CDAN1: variants seen among roughly 807,000 people sequenced by gnomAD.
CDAN1 encodes codanin-1.
Under a neutral mutation model 139.8 loss-of-function variants are expected in CDAN1, and 107 were observed. That is an observed-to-expected ratio of 0.77 (90% CI 0.65 to 0.90). CDAN1 has a LOEUF of 0.90. CDAN1 is among the 40% of genes least tolerant of loss of function. The pLI is 0.00. For synonymous variants in CDAN1, 776 were observed against 660.6 expected (o/e 1.17, Z -2.68); for missense variants, 1,667 against 1,575.7 (o/e 1.06, Z -0.98).
At chr15:42,732,235 C>T in intron 10 of CDAN1, 98 bp downstream of exon 10, 1 of 1,150,500 alleles carries the variant, frequency 8.7e-7, no homozygotes, top group Non-Finnish European at 1.3e-6. Flanking sequence ...AGCCCAGGAC[C>T]TGCCAGGCTG....
chr15:42,733,023 C>T lies in CDAN1; in HGVS notation c.1457+74G>A, dbSNP rs376621999. ...AGGAGCGGGGAAAACCTTCCCTCCT[C>T]CTCCCTCCTGCCACCGAGCAAGCAC... is the stretch of plus-strand genomic sequence containing the variant. On this transcript the variant is annotated intron_variant, in intron 9 of 27. Transcript: ENST00000356231. The T allele has an allele frequency of 3.8e-6, 5 of 1,299,968 alleles. No individual in the cohort carries two copies. The East Asian group carries it at 6.9e-5, about 18-fold the overall frequency. The allele number at this position is 1,299,968 out of a possible 1,614,324, so 80.5% of individuals were successfully genotyped here.
At position 42,731,242 on chromosome 15, in the gene CDAN1, T is replaced by C; in HGVS notation, c.1829A>G (p.Asp610Gly). The change falls in exon 12 of 28, where the codon GAT becomes GGT. Residue 610 changes from aspartate to glycine, a missense_variant. Asp to Gly is a moderately conservative substitution (Grantham distance 94). Around this residue, in one of 3 missense-constraint regions of CDAN1, gnomAD observed 936 missense variants for 844.1 expected, o/e 1.11. Transcript: ENST00000356231. Reference protein sequence around the residue: ...GLALPQHEPNDEDGESDVDWQ... With the variant: ...GLALPQHEPNGEDGESDVDWQ... ...GTCTACGTCTGACTCCCCGTCTTCA[T>C]CATTGGGCTCATGCTGGGGCAGGGC... 1 of 1,614,226 alleles carries C rather than the reference T, an allele frequency of 6.2e-7. No homozygotes were observed. Among genetic ancestry groups the C allele is most frequent in the East Asian group, 2.2e-5 (1 of 44,878 alleles).
Position 42,727,721 on chromosome 15 carries a change from G to C in CDAN1, c.2996C>G (p.Ala999Gly). ...CCGGGCAGCAGGTTCAGGACCCTGG[G>C]CTCGAAGTGTGCGACTCACTGCTGC... ...VKAAVSRTLR[A>G]QGPEPAARGE... is the part of the protein sequence containing the mutation. Residue 999 changes from alanine (A) to glycine (G), a missense_variant, in exon 23 of 28, where the codon GCC (alanine) becomes GGC (glycine). By Grantham distance (60) the Ala-to-Gly change is moderately conservative. Transcript: ENST00000356231. 6.3e-7 allele frequency: 1 copy of C among 1,585,942 alleles called. No homozygotes were observed.
At chr15:42,730,266 T>C in intron 14 of CDAN1, 51 bp from the exon 15 acceptor site, 2 of 1,519,442 alleles carry the variant, frequency 1.3e-6, no homozygotes, top group Non-Finnish European at 1.8e-6. Context: ...GGGAAGGGAA[T>C]GGAGGCAAAC....
chr15:42,728,907 T>G, intron 19 of CDAN1, 97 bp from the exon 20 acceptor site: 5 of 1,593,072 alleles, frequency 3.1e-6, no homozygotes, highest in East Asian at 2.2e-5. Context: ...CTTCAAAATG[T>G]GTCAGCCATT....
In CDAN1 at chr15:42,725,650, G is replaced by A. The variant is rs765129445; in HGVS notation, c.3289C>T (p.Leu1097=). Residue 1097 remains leucine, a synonymous_variant, in exon 26 of 28, where the codon CTA becomes TTA. Transcript: ENST00000356231. ...SLLVADQIPI[L]GPPAQYRLER... Reference sequence around the variant, plus strand: ...AGCCTGTACTGTGCCGGGGGCCCTAGGATAGGAATTTGATCTGCAACTGTG... The same window carrying A: ...AGCCTGTACTGTGCCGGGGGCCCTAAGATAGGAATTTGATCTGCAACTGTG... 4.3e-6 allele frequency: 7 copies of A among 1,614,024 alleles called. No individual in the cohort carries two copies. Among genetic ancestry groups the A allele is most frequent in the Non-Finnish European group, 5.9e-6 (7 of 1,179,994 alleles).
chr15:42,727,610 T>G lies in CDAN1; in HGVS notation c.3096+11A>C. 3 of 1,550,176 alleles carry G rather than the reference T, an allele frequency of 1.9e-6. No individual in the cohort carries two copies. Among genetic ancestry groups the G allele is most frequent in the Non-Finnish European group, 2.6e-6 (3 of 1,143,646 alleles). ...AGCAGGGAAGCCAAAGGGAGTAGGG[T>G]AGCCGTGTACTTTTATCTCGGAGAT... On this transcript the variant is annotated intron_variant, in intron 23 of 27. Coordinates refer to ENST00000356231, the MANE Select transcript of CDAN1 (RefSeq NM_138477.4).
intron 25 of CDAN1, 137 bp downstream of exon 25, chr15:42,725,960 A>C: frequency 2.3e-6 from 2 of 861,804 alleles, no homozygotes; most frequent in Non-Finnish European, 3.7e-6. Context: ...TGGGCAACAG[A>C]ACAAGATTCC....
Position 42,725,501 on chromosome 15 carries a change from T to C in CDAN1, c.3438A>G (p.Thr1146=), listed in dbSNP as rs2061513340. The C allele has an allele frequency of 6.2e-7, 1 of 1,614,020 alleles. No homozygotes were observed. Among genetic ancestry groups the C allele is most frequent in the Non-Finnish European group, 8.5e-7 (1 of 1,180,028 alleles). ...CCGTCTGACTCACCTCCCTTGGCCT[T>C]GTGTCTGCCAGAAGCCCCACATTTC... The part of the protein sequence containing the change: ...SPRNVGLLAD[T]RPREWDLLLF... The change falls in exon 26 of 28, where the codon ACA becomes ACG. Residue 1146 remains threonine (T), a synonymous_variant. Coordinates refer to ENST00000356231, the MANE Select transcript of CDAN1 (RefSeq NM_138477.4).
chr15:42,736,151 A>G (rs2061684010), intron 2 of CDAN1, 73 bp from the exon 3 acceptor site: 2 of 1,571,020 alleles, frequency 1.3e-6, no homozygotes, highest in Non-Finnish European at 1.7e-6. Flanking sequence ...CGCAACAGCT[A>G]GACCTCTTGC....
chr15:42,725,365 G>A, intron 26 of CDAN1, 114 bp from the exon 27 acceptor site: 1 of 1,469,178 alleles, frequency 6.8e-7, no homozygotes, highest in South Asian at 1.1e-5. Flanking sequence ...ATGGATAAAT[G>A]GAGCCCATTT....
intron 10 of CDAN1, 130 bp downstream of exon 10, chr15:42,732,203 G>T: frequency 1.1e-6 from 1 of 905,984 alleles, no homozygotes; most frequent in Admixed American, 1.9e-5. Flanking sequence ...TCCGCGAGGA[G>T]TAGAACTCTT....
At chr15:42,725,707 G>A (rs1252769438) in intron 25 of CDAN1, 37 bp from the exon 26 acceptor site, 3 of 1,609,296 alleles carry the variant, frequency 1.9e-6, no homozygotes, top group Admixed American at 1.7e-5. Context: ...AAAAGATGGG[G>A]GCAGGCCGGG....
chr15:42,731,158 C>T, intron 12 of CDAN1, 53 bp downstream of exon 12: 3 of 1,614,204 alleles, frequency 1.9e-6, no homozygotes, highest in Middle Eastern at 1.6e-4. Context: ...CTTGAACATA[C>T]TCCCTTCCCT....
rs2061566985 is a variant in CDAN1 at position 42,728,777 on chromosome 15, T to C, written c.2679A>G (p.Ala893=). 2 of 1,614,200 alleles carry C rather than the reference T, an allele frequency of 1.2e-6. No individual in the cohort carries two copies. The highest frequency in any genetic ancestry group is 1.7e-6 in the Non-Finnish European group (2 of 1,180,030). ...ATLVADLVRQ[A]ESLLQEQLVT... ...CCAGCTGCTCTTGGAGAAGTGACTC[T>C]GCCTGGCGCACCAGATCTGCCACCA... is the stretch of plus-strand genomic sequence containing the variant. The change falls in exon 20 of 28, where the codon GCA becomes GCG. Residue 893 remains alanine, a synonymous_variant. Coordinates refer to ENST00000356231, the MANE Select transcript of CDAN1 (RefSeq NM_138477.4).
rs2061625774 is a variant in CDAN1, at chr15:42,732,406, G to T, written c.1460C>A (p.Ala487Asp). ...FEKGLGSRIR[A>D]MMGQLSAACS... ...GGCTGCGGAGAGCTGACCCATCATG[G>T]CCCTGAGGAATAGAAGGCAGGAATG... The change falls in exon 10 of 28, where the codon GCC (alanine) becomes GAC (aspartate). Residue 487 changes from alanine (A) to aspartate (D), a missense_variant and splice_region_variant. By Grantham distance (126) the Ala-to-Asp change is moderately radical. This residue lies in a region of CDAN1 where 244 missense variants were observed against 309.4 expected (regional missense o/e 0.79). Transcript: ENST00000356231. 6.2e-7 allele frequency: 1 copy of T among 1,613,826 alleles called. No homozygotes were observed. The highest frequency in any genetic ancestry group is 8.5e-7 in the Non-Finnish European group (1 of 1,179,756).
In CDAN1 at chr15:42,726,354, C is replaced by T. The variant is rs1159649582; in HGVS notation, c.3160G>A (p.Glu1054Lys). Residue 1054 changes from glutamate to lysine, a missense_variant, in exon 24 of 28, where the codon GAA (glutamate) becomes AAA (lysine). By Grantham distance (56) the Glu-to-Lys change is moderately conservative. Around this residue, in one of 3 missense-constraint regions of CDAN1, gnomAD observed 936 missense variants for 844.1 expected, o/e 1.11. Transcript: ENST00000356231. ...PDEGVSPEHL[E>K]QLLGQLGQTL... ...TGGCCCAGCTGGCCTAGGAGCTGTT[C>T]CAGATGCTCTGGGGAGACTCCCTCG... 6.3e-7 allele frequency: 1 copy of T among 1,597,370 alleles called. No homozygotes were observed. Among genetic ancestry groups the T allele is most frequent in the East Asian group, 2.3e-5 (1 of 44,012 alleles).
Position 42,728,656 on chromosome 15 carries a change from G to A in CDAN1, c.2800C>T (p.Arg934Trp), listed in dbSNP as rs751799284. The A allele has an allele frequency of 2.4e-5, 39 of 1,613,842 alleles. No homozygotes were observed. Among genetic ancestry groups the A allele is most frequent in the South Asian group, 2.2e-4 (20 of 91,082 alleles). Residue 934 changes from arginine to tryptophan, a missense_variant, in exon 20 of 28, where the codon CGG becomes TGG. Arg to Trp is a moderately radical substitution (Grantham distance 101, BLOSUM62 -3). Around this residue, in one of 3 missense-constraint regions of CDAN1, gnomAD observed 936 missense variants for 844.1 expected, o/e 1.11. Transcript: ENST00000356231. The part of the protein sequence containing the change: ...PHGAQALALG[R>W]EFCQRKSPGA... ...AAATGGACCAGCGCTGCTTACTCCCGCCCCAGGGCCAATGCCTGGGCCCCG... is the reference window on the plus strand; with the variant it reads ...AAATGGACCAGCGCTGCTTACTCCCACCCCAGGGCCAATGCCTGGGCCCCG...
chr15:42,729,859 G>C lies in CDAN1; in HGVS notation c.2289C>G (p.Phe763Leu). 1 of 1,613,744 alleles carries C rather than the reference G, an allele frequency of 6.2e-7. No individual in the cohort carries two copies. The highest frequency in any genetic ancestry group is 8.5e-7 in the Non-Finnish European group (1 of 1,179,898). The change falls in exon 16 of 28, where the codon TTC (phenylalanine) becomes TTG (leucine). Residue 763 changes from phenylalanine (F) to leucine (L), a missense_variant. Physicochemically the swap from Phe to Leu is conservative, Grantham distance 22 (BLOSUM62 0). Around this residue, in one of 3 missense-constraint regions of CDAN1, gnomAD observed 936 missense variants for 844.1 expected, o/e 1.11. Coordinates refer to ENST00000356231, the MANE Select transcript of CDAN1 (RefSeq NM_138477.4). Reference protein sequence around the residue: ...FQIPTVPEDLFFLEEGPSYAF... With the variant: ...FQIPTVPEDLLFLEEGPSYAF... The stretch of plus-strand genomic sequence containing the variant: ...CATATGAGGGACCCTCTTCCAGAAA[G>C]AACAAGTCCTCAGGGACTGTGGGAA...
Sources: allele counts gnomAD v4.1 joint callset, GRCh38; gene constraint gnomAD v4.1.1; regional missense constraint gnomAD v4.1.1; transcripts MANE v1.5; gene names NCBI Gene and HGNC (gene_info 2026-07-23, HGNC 2026-07-21).